Variants in DERA observed in about 807,000 individuals in gnomAD.
DERA encodes 2-deoxy-D-ribose 5-phosphate aldolase.
DERA carries 15 observed loss-of-function variants against 41.1 expected under a neutral mutation model. The observed-to-expected ratio is 0.37, with a 90% confidence interval of 0.24 to 0.56. The LOEUF is 0.56. Among genes scored for constraint, DERA ranks in the 20% least tolerant of loss-of-function variants. The pLI is 0.81. For synonymous variants in DERA, 139 were observed against 137.4 expected, an observed-to-expected ratio of 1.01 and a Z score of -0.08; for missense variants, 396 against 403.4, an observed-to-expected ratio of 0.98 and a Z score of 0.16.
chr12:16,036,860 C>G lies in DERA; in HGVS notation c.*114C>G, dbSNP rs563339873. 9 of 760,162 alleles carry G rather than the reference C, an allele frequency of 1.2e-5. No homozygotes were observed. The highest frequency in any genetic ancestry group is 2.0e-5 in the Non-Finnish European group (9 of 461,534). The allele number at this position is 760,162 out of a possible 1,614,324, so 47.1% of individuals were successfully genotyped here. A position where few individuals can be genotyped will look rare whatever the true frequency, so the allele number is the denominator to read the frequency against. On this transcript the variant is annotated 3_prime_UTR_variant, in exon 9 of 9. Coordinates refer to ENST00000428559, the MANE Select transcript of DERA (RefSeq NM_015954.4). The surrounding 1 kb of genome is among the most constrained non-coding windows in gnomAD (Gnocchi z 4.9). ...TGGGCAGTAGGTAACTGGCATTCCT[C>G]TCTTTAAAATTTCTACCGAACTTAA...
At chr12:15,977,724 C>T (rs1487686011) in intron 5 of DERA, among the ~76,000 whole-genome samples, 2 of 152,208 alleles carry the variant, frequency 1.3e-5, no homozygotes, top group Non-Finnish European at 2.9e-5. Flanking sequence ...TCCCAAAGTG[C>T]TGGGATTATA....
At chr12:15,919,385 C>T (rs1948225035) in intron 1 of DERA, among the ~76,000 whole-genome samples, 1 of 152,050 alleles carries the variant, frequency 6.6e-6, no homozygotes, top group Non-Finnish European at 1.5e-5. Context: ...AATGAGACAG[C>T]AGACAGAGCC....
In DERA at chr12:15,945,072, C is replaced by A. The variant is rs1467525661; in HGVS notation, c.32-11864C>A. ...TGGTATTATTTCTGAGGGCTCAATTCTGTTCCATTGGTCTATATCTCTGTT... is the reference window on the plus strand; with the variant it reads ...TGGTATTATTTCTGAGGGCTCAATTATGTTCCATTGGTCTATATCTCTGTT... On this transcript the variant is annotated intron_variant, in intron 1 of 8. Coordinates refer to ENST00000428559, the MANE Select transcript of DERA (RefSeq NM_015954.4). Among the ~76,000 whole-genome samples, 2 of 152,114 alleles carry A rather than the reference C, an allele frequency of 1.3e-5. 1 individual carries two copies. The highest frequency in any genetic ancestry group is 6.3e-3 in the Middle Eastern group (2 of 316).
chr12:15,911,522 GT>G lies in DERA; in HGVS notation c.31+112del. On this transcript the variant is annotated intron_variant, in intron 1 of 8. Coordinates refer to ENST00000428559, the MANE Select transcript of DERA (RefSeq NM_015954.4). The surrounding 1 kb of genome is among the most constrained non-coding windows in gnomAD (Gnocchi z 4.5). ...TGCCCTGGCTGTGGGTCCCCGAGGG[GT>G]TTTCGCTGGGGCGGGAAGCAGTGGC... 8.7e-7 allele frequency: 1 copy of G among 1,144,144 alleles called. No homozygotes were observed. The highest frequency in any genetic ancestry group is 1.2e-6 in the Non-Finnish European group (1 of 832,876). 70.9% of individuals were successfully genotyped at this position (1,144,144 alleles called of 1,614,324 possible). A position where few individuals can be genotyped will look rare whatever the true frequency, so the allele number is the denominator to read the frequency against.
chr12:16,036,946 T>A lies in DERA; in HGVS notation c.*200T>A. 1 of 533,396 alleles carries A rather than the reference T, an allele frequency of 1.9e-6. No individual in the cohort carries two copies. 33.0% of individuals were successfully genotyped at this position (533,396 alleles called of 1,614,324 possible). A position where few individuals can be genotyped will look rare whatever the true frequency, so the allele number is the denominator to read the frequency against. ...CTCATTTCAGGCACATCTGAAATGA[T>A]CTTAATTACTAGAAGATCTGCACTA... On this transcript the variant is annotated 3_prime_UTR_variant, in exon 9 of 9. Coordinates refer to ENST00000428559, the MANE Select transcript of DERA (RefSeq NM_015954.4). This position sits in a 1 kb window ranked among gnomAD's most constrained non-coding sequence, Gnocchi z 4.9.
At position 15,984,307 on chromosome 12, in the gene DERA, G is replaced by A. The variant is rs1948750740; in HGVS notation, c.637+1871G>A. Among the ~76,000 whole-genome samples the A allele has an allele frequency of 6.6e-6, 1 of 152,062 alleles. No homozygotes were observed. The highest frequency in any genetic ancestry group is 2.4e-5 in the African/African-American group (1 of 41,388). On this transcript the variant is annotated intron_variant, in intron 6 of 8. Transcript: ENST00000428559. The surrounding 1 kb of genome is among the most constrained non-coding windows in gnomAD (Gnocchi z 4.5). ...TACTCATGATACAAATGTGGTATTA[G>A]GTCATCACGCTTTGGAAGCTGTGTC...
chr12:15,914,157 G>A (rs1234975289), intron 1 of DERA, among the ~76,000 whole-genome samples: 2 of 152,026 alleles, frequency 1.3e-5, no homozygotes, highest in Non-Finnish European at 2.9e-5. Flanking sequence ...CAAGGCAGCC[G>A]GATCACTTGA....
intron 6 of DERA, among the ~76,000 whole-genome samples, chr12:16,028,173 C>T (rs527297103): frequency 6.6e-6 from 1 of 152,304 alleles, no homozygotes; most frequent in African/African-American, 2.4e-5. Flanking sequence ...GGAGAAATGG[C>T]TTATACCAGG....
intron 1 of DERA, among the ~76,000 whole-genome samples, chr12:15,923,896 A>T (rs1008302786): frequency 6.6e-6 from 1 of 152,176 alleles, no homozygotes; most frequent in African/African-American, 2.4e-5. Flanking sequence ...TTTCAAATAG[A>T]ACACATTTAT....
At chr12:16,015,390 C>G (rs576588411) in intron 6 of DERA, among the ~76,000 whole-genome samples, 1 of 152,184 alleles carries the variant, frequency 6.6e-6, no homozygotes, top group Non-Finnish European at 1.5e-5. Flanking sequence ...GAAGTTCTCA[C>G]GAGATCTGAT....
Position 15,995,452 on chromosome 12 carries a change from A to G in DERA, c.637+13016A>G, listed in dbSNP as rs1049504716. ...TTATTTGTGTTTAGCTACTCTGTTG[A>G]TGTCCCTGTAGTGATGCACTTAGAA... On this transcript the variant is annotated intron_variant, in intron 6 of 8. Transcript: ENST00000428559. The surrounding 1 kb of genome is among the most constrained non-coding windows in gnomAD (Gnocchi z 5.1). Among the ~76,000 whole-genome samples the G allele has an allele frequency of 6.6e-6, 1 of 152,160 alleles. No individual in the cohort carries two copies. The highest frequency in any genetic ancestry group is 2.4e-5 in the African/African-American group (1 of 41,448).
In DERA at chr12:15,988,010, G is replaced by T. The variant is rs1948776845; in HGVS notation, c.637+5574G>T. Among the ~76,000 whole-genome samples the T allele has an allele frequency of 6.6e-6, 1 of 152,158 alleles. No homozygotes were observed. Among genetic ancestry groups the T allele is most frequent in the South Asian group, 2.1e-4 (1 of 4,830 alleles). On this transcript the variant is annotated intron_variant, in intron 6 of 8. Transcript: ENST00000428559. This position sits in a 1 kb window ranked among gnomAD's most constrained non-coding sequence, Gnocchi z 6.0. Reference sequence around the variant, plus strand: ...GGTGCAGACTCCATGCGAGGCTGTGGCTGGACCAGACGTACCACAAGCAGC... The same window carrying T: ...GGTGCAGACTCCATGCGAGGCTGTGTCTGGACCAGACGTACCACAAGCAGC...
chr12:16,032,085 A>C (rs1949096269), intron 6 of DERA, among the ~76,000 whole-genome samples: 1 of 152,246 alleles, frequency 6.6e-6, no homozygotes, highest in Non-Finnish European at 1.5e-5. Context: ...AATAGAAATC[A>C]GCTAATGGTG....
intron 6 of DERA, among the ~76,000 whole-genome samples, chr12:16,023,677 C>T (rs943519748): frequency 2.7e-4 from 41 of 151,740 alleles, no homozygotes; most frequent in Non-Finnish European, 4.6e-4. Context: ...CGGGGTTTCA[C>T]CGTTTTAGCC....
chr12:15,971,417 T>C (rs921327763), intron 5 of DERA, among the ~76,000 whole-genome samples: 1 of 151,786 alleles, frequency 6.6e-6, no homozygotes, highest in African/African-American at 2.4e-5. Flanking sequence ...TGAAGGTCCA[T>C]GCAGTCTTGG....
intron 6 of DERA, among the ~76,000 whole-genome samples, chr12:16,025,370 G>A (rs1173139546): frequency 6.6e-6 from 1 of 152,094 alleles, no homozygotes; most frequent in East Asian, 1.9e-4. Flanking sequence ...GATGCACCAT[G>A]CTAACACTCA....
chr12:16,033,401 G>A (rs2136190566), intron 7 of DERA, among the ~76,000 whole-genome samples: 1 of 152,300 alleles, frequency 6.6e-6, no homozygotes, highest in East Asian at 1.9e-4. Flanking sequence ...GTGTATACTA[G>A]TTTTTGTCAG....
rs933402893 is a variant in DERA, at chr12:15,915,830, A to G, written c.31+4416A>G. 1.1e-4 allele frequency among the ~76,000 whole-genome samples: 16 copies of G among 152,192 alleles called. No homozygotes were observed. The highest frequency in any genetic ancestry group is 2.2e-4 in the Non-Finnish European group (15 of 68,046). The stretch of plus-strand genomic sequence containing the variant: ...CATGATCCAGGTTTACACACGAGCA[A>G]ACTGAGGTACAGGGAGTTTTAAGTA... On this transcript the variant is annotated intron_variant, in intron 1 of 8. Transcript: ENST00000428559. The surrounding 1 kb of genome is among the most constrained non-coding windows in gnomAD (Gnocchi z 4.8).
Position 15,943,709 on chromosome 12 carries a change from A to T in DERA, c.32-13227A>T, listed in dbSNP as rs1049120632. 6.0e-4 allele frequency among the ~76,000 whole-genome samples: 80 copies of T among 132,726 alleles called. No homozygotes were observed. Among genetic ancestry groups the T allele is most frequent in the Non-Finnish European group, 1.1e-3 (69 of 63,658 alleles). The allele number at this position is 132,726 out of a possible 152,430, so 87.1% of individuals were successfully genotyped here. A position where few individuals can be genotyped will look rare whatever the true frequency, so the allele number is the denominator to read the frequency against. Reference sequence around the variant, plus strand: ...TCTTCTTTTTTATTTTTTAATTTTTATTTATTTATTTATTTATTTATTTAT... The same window carrying T: ...TCTTCTTTTTTATTTTTTAATTTTTTTTTATTTATTTATTTATTTATTTAT... On this transcript the variant is annotated intron_variant, in intron 1 of 8. Transcript: ENST00000428559. The surrounding 1 kb of genome is among the most constrained non-coding windows in gnomAD (Gnocchi z 4.5).
Sources: allele counts gnomAD v4.1 joint callset (sites outside exome capture counted in the v4.1 genomes callset), GRCh38; gene constraint gnomAD v4.1.1; non-coding constraint Gnocchi (gnomAD v3.1); transcripts MANE v1.5; gene names NCBI Gene and HGNC (gene_info 2026-07-23, HGNC 2026-07-21).